The following SLC3A2 variants were observed in gnomAD, a reference collection of about 807,000 sequenced individuals.
The protein encoded by SLC3A2 is amino acid transporter heavy chain SLC3A2.
A neutral mutation model predicts 48.5 loss-of-function variants in SLC3A2; 32 were observed. The observed-to-expected ratio is 0.66, with a 90% CI of 0.50 to 0.89. SLC3A2 has a LOEUF of 0.89. Ranked by LOEUF, SLC3A2 falls within the 40% of genes least tolerant of loss-of-function variation. The pLI is 0.00. For missense variants in SLC3A2, 587 were observed against 680.7 expected, an observed-to-expected ratio of 0.86 and a Z score of 1.53; for synonymous variants, 277 against 288.8, an observed-to-expected ratio of 0.96 and a Z score of 0.41.
chr11:62,858,490 G>T (rs2085362430), intron 1 of SLC3A2, among the ~76,000 whole-genome samples: 1 of 152,168 alleles, frequency 6.6e-6, no homozygotes, highest in Non-Finnish European at 1.5e-5. Context: ...GCCAAAGTGG[G>T]CGGATCACCT....
chr11:62,863,285 T>G (rs2085421034), intron 1 of SLC3A2, among the ~76,000 whole-genome samples: 1 of 152,160 alleles, frequency 6.6e-6, no homozygotes, highest in Admixed American at 6.6e-5. Context: ...CAGTGTGTGA[T>G]CACGGCTCAC....
At chr11:62,864,985 G>A (rs2085438441) in intron 1 of SLC3A2, among the ~76,000 whole-genome samples, 1 of 152,104 alleles carries the variant, frequency 6.6e-6, no homozygotes, top group Non-Finnish European at 1.5e-5. Context: ...AGTAAGTTTT[G>A]GCTAGGACTT....
chr11:62,856,177 C>T (rs989566212), exon 1 of SLC3A2: 5 of 1,010,182 alleles, frequency 4.9e-6, no homozygotes, highest in Non-Finnish European at 7.2e-6. Flanking sequence ...TCACGGCGAT[C>T]CTGGACTGAC....
intron 2 of SLC3A2, chr11:62,882,374 A>C (rs1003065792): frequency 5.9e-6 from 2 of 336,140 alleles, no homozygotes; most frequent in Non-Finnish European, 1.1e-5. Context: ...GGGGGGGGGA[A>C]TCCCAAATAT....
intron 7 of SLC3A2, among the ~76,000 whole-genome samples, chr11:62,887,718 A>G (rs2085732947): frequency 6.6e-6 from 1 of 151,416 alleles, no homozygotes; most frequent in Non-Finnish European, 1.5e-5. Flanking sequence ...AAAAAAAAAA[A>G]AGTTAGCCAG....
Position 62,872,887 on chromosome 11 carries a change from C to T in SLC3A2, c.113-8132C>T, listed in dbSNP as rs141987875. On this transcript the variant is annotated intron_variant, in intron 1 of 9. Coordinates refer to the SLC3A2 transcript ENST00000377889. The stretch of plus-strand genomic sequence containing the variant: ...AAAGTGTTGGGATTACAGGCGTGAG[C>T]CACTGTGCCTGGCCTAACCAATTTT... 2.2e-3 allele frequency among the ~76,000 whole-genome samples: 331 copies of T among 152,336 alleles called. 4 individuals carry two copies. The highest frequency in any genetic ancestry group is 7.6e-3 in the African/African-American group (315 of 41,584).
chr11:62,875,332 A>G (rs1387395072), intron 1 of SLC3A2, among the ~76,000 whole-genome samples: 1 of 152,074 alleles, frequency 6.6e-6, no homozygotes, highest in Non-Finnish European at 1.5e-5. Flanking sequence ...GGATCACGAG[A>G]TCAGGAGATC....
chr11:62,879,519 C>T (rs1216435134), upstream of SLC3A2, among the ~76,000 whole-genome samples: 1 of 152,216 alleles, frequency 6.6e-6, no homozygotes, highest in African/African-American at 2.4e-5. Context: ...CTGGTCTGAA[C>T]CCACTTGCTT....
chr11:62,874,772 C>CTTTTCTTTTTTTTTTTTTTTTT (rs1171433265), intron 1 of SLC3A2, among the ~76,000 whole-genome samples: 1 of 142,900 alleles, frequency 7.0e-6, no homozygotes, highest in African/African-American at 2.6e-5. Context: ...TTTTCTTTTT[C>CTTTTCTTTTTTTTTTTTTTTTT]TTTTTTTTTT....
chr11:62,879,547 G>A (rs1277919916), upstream of SLC3A2, among the ~76,000 whole-genome samples: 1 of 152,212 alleles, frequency 6.6e-6, no homozygotes, highest in Non-Finnish European at 1.5e-5. Flanking sequence ...CCCAGGGGCT[G>A]CCCCGTGCAC....
At chr11:62,856,341 G>C in exon 1 of SLC3A2, 1 of 1,612,984 alleles carries the variant, frequency 6.2e-7, no homozygotes. Flanking sequence ...GCTCACATTC[G>C]GAGGCTGGTG....
chr11:62,880,923 GCA>G lies in SLC3A2; in HGVS notation c.-98_-97del, dbSNP rs974026158. On this transcript the variant is annotated 5_prime_UTR_variant, in exon 1 of 9. Coordinates refer to ENST00000338663, the MANE Select transcript of SLC3A2 (RefSeq NM_001013251.3). The stretch of plus-strand genomic sequence containing the variant: ...ATGCAGTAGCCGAAACTGCGCGGAG[GCA>G]CAGAGGCCGGGGAGAGCGTTCTGGG... 8.6e-5 allele frequency: 126 copies of G among 1,464,574 alleles called. No homozygotes were observed. The African/African-American group carries it at 1.7e-3, about 20-fold the overall frequency. 90.7% of individuals were successfully genotyped at this position (1,464,574 alleles called of 1,614,324 possible).
Position 62,881,047 on chromosome 11 carries a change from T to G in SLC3A2, c.24T>G (p.Asp8Glu). 1.3e-6 allele frequency: 2 copies of G among 1,585,080 alleles called. No individual in the cohort carries two copies. The highest frequency in any genetic ancestry group is 1.7e-6 in the Non-Finnish European group (2 of 1,163,408). MSQDTEV[D>E]MKEVELNELE... ...CCATGAGCCAGGACACCGAGGTGGA[T>G]ATGAAGGAGGTGGAGCTGAATGAGT... The change falls in exon 1 of 9, where the codon GAT (aspartate) becomes GAG (glutamate). Residue 8 changes from aspartate to glutamate, a missense_variant. Physicochemically the swap from Asp to Glu is conservative, Grantham distance 45 (BLOSUM62 2). Coordinates refer to ENST00000338663, the MANE Select transcript of SLC3A2 (RefSeq NM_001013251.3). The surrounding 1 kb of genome is among the most constrained non-coding windows in gnomAD (Gnocchi z 4.0).
chr11:62,867,922 A>G (rs1045332695), intron 1 of SLC3A2, among the ~76,000 whole-genome samples: 6 of 151,804 alleles, frequency 4.0e-5, no homozygotes, highest in Non-Finnish European at 8.8e-5. Flanking sequence ...TTATTTTTCA[A>G]AAAAAATTTT....
chr11:62,866,017 G>C (rs2085448666), intron 1 of SLC3A2, among the ~76,000 whole-genome samples: 1 of 152,032 alleles, frequency 6.6e-6, no homozygotes, highest in African/African-American at 2.4e-5. Context: ...TGATGGTCTT[G>C]TAAATGTGTC....
At chr11:62,875,671 A>T (rs1189169747) in intron 1 of SLC3A2, among the ~76,000 whole-genome samples, 2 of 152,128 alleles carry the variant, frequency 1.3e-5, no homozygotes, top group African/African-American at 4.8e-5. Context: ...GGTTCAAGCG[A>T]TTCTCCTGCC....
intron 1 of SLC3A2, among the ~76,000 whole-genome samples, chr11:62,864,274 A>G (rs1012373454): frequency 1.3e-5 from 2 of 150,314 alleles, no homozygotes; most frequent in African/African-American, 4.9e-5. Flanking sequence ...GATTACTTCA[A>G]CTCCTAAGTA....
chr11:62,870,248 C>G (rs893580396), intron 1 of SLC3A2, among the ~76,000 whole-genome samples: 1 of 151,604 alleles, frequency 6.6e-6, no homozygotes, highest in Non-Finnish European at 1.5e-5. Context: ...GTGGCGTGAT[C>G]TCGGCTCACT....
chr11:62,871,492 G>A (rs187486725), intron 1 of SLC3A2: 17 of 451,872 alleles, frequency 3.8e-5, no homozygotes, highest in African/African-American at 2.5e-4. Flanking sequence ...CGCCCGTCTC[G>A]GCCTCCCAAA....
Sources: gnomAD v4.1 joint callset for allele counts (sites outside exome capture counted in the v4.1 genomes callset) on GRCh38, gnomAD v4.1.1 for gene constraint, Gnocchi (gnomAD v3.1) non-coding constraint, MANE v1.5 for transcripts, NCBI Gene and HGNC (gene_info 2026-07-23, HGNC 2026-07-21) for gene names.